The following ERP44 variants were observed in gnomAD, a reference collection of about 807,000 sequenced individuals.
ERP44 encodes the protein endoplasmic reticulum protein 44.
ERP44 carries 25 observed loss-of-function variants against 53.4 expected under a neutral mutation model. The observed-to-expected ratio is 0.47, with a 90% confidence interval of 0.34 to 0.65. ERP44 has a LOEUF of 0.65. Among genes scored for constraint, ERP44 ranks in the 30% least tolerant of loss-of-function variants. The pLI is 0.01. For missense variants in ERP44, 338 were observed against 493.2 expected, an observed-to-expected ratio of 0.69 and a Z score of 2.98; for synonymous variants, 145 against 161.2, an observed-to-expected ratio of 0.90 and a Z score of 0.76.
At chr9:100,074,977 G>A (rs985729501) in intron 1 of ERP44, among the ~76,000 whole-genome samples, 1 of 152,210 alleles carries the variant, frequency 6.6e-6, no homozygotes, top group Admixed American at 6.5e-5. Flanking sequence ...CTCCCTGACT[G>A]GTAGGGTGAG....
intron 1 of ERP44, among the ~76,000 whole-genome samples, chr9:100,067,436 G>T (rs1030470554): frequency 7.5e-4 from 114 of 152,322 alleles, no homozygotes; most frequent in African/African-American, 2.6e-3. Context: ...CGAGTGATCC[G>T]CCAGCCTCGG....
chr9:99,986,761 ACTGT>A (rs1830199097), intron 10 of ERP44, among the ~76,000 whole-genome samples: 1 of 152,218 alleles, frequency 6.6e-6, no homozygotes, highest in African/African-American at 2.4e-5. Context: ...AATACAAATG[ACTGT>A]CAGGTAGCTG....
intron 1 of ERP44, among the ~76,000 whole-genome samples, chr9:100,067,524 G>A (rs10988961): frequency 0.47 from 71,081 of 151,926 alleles, 17,903 homozygotes; most frequent in East Asian, 0.9. Flanking sequence ...GTGCAGTGGC[G>A]TGATCTCGGC....
chr9:100,008,986 GC>G (rs1464122493), intron 8 of ERP44, among the ~76,000 whole-genome samples: 2 of 152,012 alleles, frequency 1.3e-5, no homozygotes, highest in Non-Finnish European at 2.9e-5. Flanking sequence ...CAAGCAATCT[GC>G]CTGCCTCAGC....
At chr9:99,993,165 T>G (rs1042491412) in intron 10 of ERP44, among the ~76,000 whole-genome samples, 8 of 152,234 alleles carry the variant, frequency 5.3e-5, no homozygotes, top group African/African-American at 1.7e-4. Context: ...AACATTACTT[T>G]AAAATTCATA....
chr9:100,035,572 G>C (rs1825841183), intron 4 of ERP44, among the ~76,000 whole-genome samples: 1 of 152,130 alleles, frequency 6.6e-6, no homozygotes, highest in Non-Finnish European at 1.5e-5. Flanking sequence ...CTATTTAGGA[G>C]GCTGAGGCAG....
intron 4 of ERP44, among the ~76,000 whole-genome samples, chr9:100,043,623 C>G (rs539408303): frequency 6.6e-6 from 1 of 152,072 alleles, no homozygotes; most frequent in East Asian, 1.9e-4. Context: ...GCCGTGGTGG[C>G]GCACACCTGT....
intron 3 of ERP44, 122 bp from the exon 4 acceptor site, chr9:100,052,654 C>T (rs1826051026): frequency 1.9e-6 from 1 of 514,642 alleles, no homozygotes; most frequent in East Asian, 3.4e-5. Context: ...TAATCACACA[C>T]TTAATTTAAT....
chr9:100,012,727 A>G (rs1271286460), intron 8 of ERP44, among the ~76,000 whole-genome samples: 2 of 152,194 alleles, frequency 1.3e-5, no homozygotes, highest in Non-Finnish European at 2.9e-5. Flanking sequence ...AAGTCTTTTA[A>G]AGAGTTTTTA....
intron 8 of ERP44, among the ~76,000 whole-genome samples, chr9:100,012,615 A>C (rs967793653): frequency 2.0e-5 from 3 of 152,230 alleles, no homozygotes; most frequent in Admixed American, 6.5e-5. Context: ...ATATTATTTT[A>C]TGGTGGAAAA....
intron 10 of ERP44, among the ~76,000 whole-genome samples, chr9:99,990,364 A>G (rs954277639): frequency 1.3e-5 from 2 of 152,224 alleles, no homozygotes; most frequent in African/African-American, 4.8e-5. Flanking sequence ...AATATTCAAC[A>G]TTCTCAAAGA....
At chr9:100,091,400 A>C (rs909613694) in intron 1 of ERP44, among the ~76,000 whole-genome samples, 28 of 152,226 alleles carry the variant, frequency 1.8e-4, no homozygotes, top group African/African-American at 6.5e-4. Flanking sequence ...GGCTAGTTAG[A>C]ACCCACTAAA....
chr9:100,000,526 G>A (rs1477668105), intron 10 of ERP44, among the ~76,000 whole-genome samples: 1 of 151,276 alleles, frequency 6.6e-6, no homozygotes, highest in East Asian at 1.9e-4. Flanking sequence ...TTCTTTGATG[G>A]TAGACTTTTC....
At chr9:100,078,282 ACTCT>A (rs1826381128) in intron 1 of ERP44, among the ~76,000 whole-genome samples, 1 of 151,384 alleles carries the variant, frequency 6.6e-6, no homozygotes, top group African/African-American at 2.4e-5. Context: ...ACGTGGTGAA[ACTCT>A]CTCTCTACCA....
In ERP44 at chr9:100,007,607, T is replaced by G; in HGVS notation, c.845A>C (p.Glu282Ala). 1 of 1,583,400 alleles carries G rather than the reference T, an allele frequency of 6.3e-7. No individual in the cohort carries two copies. The highest frequency in any genetic ancestry group is 8.7e-7 in the Non-Finnish European group (1 of 1,152,024). Residue 282 changes from glutamate (E) to alanine (A), a missense_variant, in exon 9 of 12, where the codon GAA (glutamate) becomes GCA (alanine). This residue lies in a region of ERP44 where 113 missense variants were observed against 172.6 expected (regional missense o/e 0.65). Transcript: ENST00000262455. ...DTESLEIFQN[E>A]VARQLISEKG... is the part of the protein sequence containing the mutation. The stretch of plus-strand genomic sequence containing the variant: ...TTCACTTATTAATTGCCGAGCTACT[T>G]CATTCTGGAATATTTCTAAACTTTC...
chr9:100,089,580 CAAAAAAAAAA>C (rs71498726), intron 1 of ERP44, among the ~76,000 whole-genome samples: 7 of 43,554 alleles, frequency 1.6e-4, no homozygotes, highest in East Asian at 1.5e-3. Flanking sequence ...GACTCCATCT[CAAAAAAAAAA>C]AAAAAAAAAA....
At chr9:99,996,862 CT>C (rs989322937) in intron 10 of ERP44, among the ~76,000 whole-genome samples, 3 of 90,606 alleles carry the variant, frequency 3.3e-5, no homozygotes, top group African/African-American at 4.9e-5. Flanking sequence ...CTGTTCATTC[CT>C]TTTTATGGCT....
chr9:100,056,127 G>C (rs1312143187), intron 3 of ERP44, among the ~76,000 whole-genome samples: 2 of 152,174 alleles, frequency 1.3e-5, no homozygotes, highest in Non-Finnish European at 2.9e-5. Flanking sequence ...TCAGTCAGGA[G>C]AAAGTCGTTC....
chr9:100,018,441 T>A (rs918706422), intron 6 of ERP44, 128 bp from the exon 7 acceptor site: 10 of 610,300 alleles, frequency 1.6e-5, no homozygotes, highest in African/African-American at 1.5e-4. Context: ...AAGAAAAGTA[T>A]ACATTTAAAG....
Sources: gnomAD v4.1 joint callset for allele counts (sites outside exome capture counted in the v4.1 genomes callset) on GRCh38, gnomAD v4.1.1 for gene constraint, gnomAD v4.1.1 regional missense constraint, MANE v1.5 for transcripts, NCBI Gene and HGNC (gene_info 2026-07-23, HGNC 2026-07-21) for gene names.